Variants in NLRP11 observed in about 807,000 individuals in gnomAD.
NLRP11 encodes NLR family pyrin domain containing 11.
Under a neutral mutation model 79.3 loss-of-function variants are expected in NLRP11, and 53 were observed. That is an observed-to-expected ratio of 0.67 (90% confidence interval 0.54 to 0.84). NLRP11 has a LOEUF of 0.84. Ranked by LOEUF, NLRP11 falls within the 40% of genes least tolerant of loss-of-function variation. The pLI, the probability that NLRP11 is intolerant of heterozygous loss-of-function variation, is 0.00. For synonymous variants in NLRP11, 518 were observed against 462.6 expected, an observed-to-expected ratio of 1.12 and a Z score of -1.54; for missense variants, 1,264 against 1,255.0, an observed-to-expected ratio of 1.01 and a Z score of -0.11.
At chr19:55,821,323 GGGGGAA>G (rs1981712037) in intron 1 of NLRP11, among the ~76,000 whole-genome samples, 1 of 151,920 alleles carries the variant, frequency 6.6e-6, no homozygotes, top group African/African-American at 2.4e-5. Context: ...ACTTGCTGCT[GGGGGAA>G]TTCCACATGT....
At chr19:55,797,332 T>C (rs1233579504) in intron 5 of NLRP11, among the ~76,000 whole-genome samples, 2 of 152,100 alleles carry the variant, frequency 1.3e-5, no homozygotes, top group African/African-American at 2.4e-5. Flanking sequence ...AGAATAAAAA[T>C]AAGTGATCTT....
intron 4 of NLRP11, among the ~76,000 whole-genome samples, chr19:55,807,581 C>T (rs771360210): frequency 6.6e-6 from 1 of 152,128 alleles, no homozygotes; most frequent in Non-Finnish European, 1.5e-5. Context: ...ATCAAGGAAG[C>T]TCCTGAAGCT....
chr19:55,796,693 C>CTT (rs58565461), intron 5 of NLRP11, among the ~76,000 whole-genome samples: 28,430 of 147,164 alleles, frequency 0.19, 3,264 homozygotes, highest in African/African-American at 0.32. Context: ...TCTCTATTTT[C>CTT]TTTTTTTTTT....
chr19:55,791,670 AT>A (rs201320971), intron 7 of NLRP11, among the ~76,000 whole-genome samples: 8 of 151,476 alleles, frequency 5.3e-5, no homozygotes, highest in Non-Finnish European at 1.0e-4. Flanking sequence ...TTTTTAAACA[AT>A]TTTTTTTTCA....
At position 55,809,532 on chromosome 19, in the gene NLRP11, G is replaced by A. The variant is rs1228586850; in HGVS notation, c.1078C>T (p.Gln360Ter). ...TCAGTGGGTGTTTGGCAGCAGAGCTGGAAGTCACGCCCCTTGTCCATCTGC... is the reference window on the plus strand; with the variant it reads ...TCAGTGGGTGTTTGGCAGCAGAGCTAGAAGTCACGCCCCTTGTCCATCTGC... Residue 360 changes from glutamine to a stop codon, truncating the protein, a stop_gained, in exon 3 of 10, where the codon CAG becomes TAG. Transcript: ENST00000589093. LOFTEE classifies it high-confidence loss of function. The surrounding 1 kb of genome is among the most constrained non-coding windows in gnomAD (Gnocchi z 4.5). 6.2e-7 allele frequency: 1 copy of A among 1,614,174 alleles called. No individual in the cohort carries two copies. The highest frequency in any genetic ancestry group is 8.5e-7 in the Non-Finnish European group (1 of 1,180,032).
At chr19:55,819,126 T>TACAC (rs59055964) in intron 1 of NLRP11, among the ~76,000 whole-genome samples, 2,151 of 105,098 alleles carry the variant, frequency 0.02, 52 homozygotes, top group Non-Finnish European at 0.029. Context: ...TGGTATCGCC[T>TACAC]ACACACACAC....
At chr19:55,830,015 T>G (rs1982595246) in intron 1 of NLRP11, among the ~76,000 whole-genome samples, 1 of 152,220 alleles carries the variant, frequency 6.6e-6, no homozygotes, top group Non-Finnish European at 1.5e-5. Context: ...CATCTACAAG[T>G]TGTCATACAT....
chr19:55,817,867 C>T, intron 2 of NLRP11, 37 bp downstream of exon 2: 1 of 1,547,260 alleles, frequency 6.5e-7, no homozygotes, highest in Non-Finnish European at 8.8e-7. Flanking sequence ...TGTGAAGTGC[C>T]CTGATTTCTG....
chr19:55,808,689 C>T, intron 3 of NLRP11, 80 bp downstream of exon 3: 1 of 1,356,538 alleles, frequency 7.4e-7, no homozygotes, highest in Non-Finnish European at 1.0e-6. Flanking sequence ...CCGAGTTTGT[C>T]TTGTTCTGGT....
intron 4 of NLRP11, among the ~76,000 whole-genome samples, chr19:55,806,712 C>T (rs903767411): frequency 2.6e-5 from 4 of 152,154 alleles, no homozygotes; most frequent in African/African-American, 9.7e-5. Flanking sequence ...AATGCCTCAC[C>T]TCACTCCAGA....
At chr19:55,808,713 A>AATTATGGG (rs1980251853) in intron 3 of NLRP11, 56 bp downstream of exon 3, 1 of 1,503,660 alleles carries the variant, frequency 6.7e-7, no homozygotes, top group African/African-American at 1.4e-5. Flanking sequence ...CAAGCTCTAG[A>AATTATGGG]ATTATGGGCA....
intron 1 of NLRP11, among the ~76,000 whole-genome samples, chr19:55,824,385 A>AATG (rs758391508): frequency 1.4e-5 from 2 of 147,300 alleles, no homozygotes; most frequent in East Asian, 4.1e-4. Context: ...CTAACATCAT[A>AATG]ATGACAGGAT....
At chr19:55,818,176 T>C in exon 2 of NLRP11, 4 of 1,609,940 alleles carry the variant, frequency 2.5e-6, no homozygotes, top group Non-Finnish European at 3.4e-6. Flanking sequence ...TTCTGCCATC[T>C]TGCTTCTCCA....
intron 6 of NLRP11, among the ~76,000 whole-genome samples, chr19:55,793,642 GA>G (rs59368984): frequency 0.028 from 4,246 of 149,974 alleles, 152 homozygotes; most frequent in African/African-American, 0.088. Flanking sequence ...TCTGGTATGG[GA>G]AAAGGGTACA....
At chr19:55,817,990 C>T in exon 2 of NLRP11, 1 of 1,613,004 alleles carries the variant, frequency 6.2e-7, no homozygotes, top group Non-Finnish European at 8.5e-7. Flanking sequence ...TATATACTGT[C>T]CCTCATAAGA....
At chr19:55,828,977 A>G (rs1405463118) in intron 1 of NLRP11, among the ~76,000 whole-genome samples, 2 of 152,228 alleles carry the variant, frequency 1.3e-5, no homozygotes, top group African/African-American at 2.4e-5. Flanking sequence ...TCAATTAGAT[A>G]TAGAACTTGA....
At chr19:55,829,145 GA>G (rs1272043850) in intron 1 of NLRP11, among the ~76,000 whole-genome samples, 1 of 151,224 alleles carries the variant, frequency 6.6e-6, no homozygotes, top group African/African-American at 2.4e-5. Flanking sequence ...TGCCTTTTGA[GA>G]AAAGTAAGTA....
chr19:55,807,953 G>A, exon 4 of NLRP11: 1 of 1,610,768 alleles, frequency 6.2e-7, no homozygotes. Flanking sequence ...AGCTCCCGGA[G>A]GCTCTCCATT....
At chr19:55,836,391 A>G (rs940938040), upstream of NLRP11, 4 of 152,142 alleles carry the variant, frequency 2.6e-5, no homozygotes, top group African/African-American at 9.7e-5. Context: ...GGTCTAGAAC[A>G]GCCCCTCAAG....
Sources: gnomAD v4.1 joint callset for allele counts (sites outside exome capture counted in the v4.1 genomes callset) on GRCh38, gnomAD v4.1.1 for gene constraint, Gnocchi (gnomAD v3.1) non-coding constraint, MANE v1.5 for transcripts, NCBI Gene and HGNC (gene_info 2026-07-23, HGNC 2026-07-21) for gene names.